RBMS3: variants seen among roughly 807,000 people sequenced by gnomAD.
RBMS3 encodes the protein RNA binding motif single stranded interacting protein 3, also known as RNA-binding motif, single-stranded-interacting protein 3.
A neutral mutation model predicts 66.8 loss-of-function variants in RBMS3; 27 were observed. The observed-to-expected ratio is 0.40, with a 90% CI of 0.30 to 0.56. RBMS3 has a LOEUF of 0.56. Ranked by LOEUF, RBMS3 falls within the 20% of genes least tolerant of loss-of-function variation. The pLI is 0.40. For synonymous variants in RBMS3, 188 were observed against 183.0 expected (o/e 1.03, Z -0.22); for missense variants, 513 against 549.5 (o/e 0.93, Z 0.66).
intron 12 of RBMS3, among the ~76,000 whole-genome samples, chr3:29,971,294 T>C (rs1418657384): frequency 6.6e-6 from 1 of 152,160 alleles, no homozygotes; most frequent in East Asian, 1.9e-4. Context: ...CACAGCCCCA[T>C]GTTGTCAAGA....
intron 1 of RBMS3, among the ~76,000 whole-genome samples, chr3:29,297,225 T>C (rs1000529294): frequency 6.6e-6 from 1 of 151,822 alleles, no homozygotes; most frequent in Admixed American, 6.6e-5. Flanking sequence ...TTTAGTTATT[T>C]GGTAAAAATG....
At chr3:29,723,812 T>G (rs1211161568) in intron 4 of RBMS3, among the ~76,000 whole-genome samples, 1 of 152,196 alleles carries the variant, frequency 6.6e-6, no homozygotes. Flanking sequence ...AAAAACTCTC[T>G]TAATGAGTTT....
chr3:29,928,211 T>TATATATATATACAC lies in RBMS3; in HGVS notation c.940-7874_940-7873insTATATATATACACA, dbSNP rs1291440563. 4.8e-4 allele frequency among the ~76,000 whole-genome samples: 45 copies of TATATATATATACAC among 93,486 alleles called. 1 individual carries two copies. The highest frequency in any genetic ancestry group is 1.7e-3 in the African/African-American group (40 of 23,636). 61.3% of individuals were successfully genotyped at this position (93,486 alleles called of 152,430 possible). On this transcript the variant is annotated intron_variant, in intron 10 of 14. Transcript: ENST00000383767. The stretch of plus-strand genomic sequence containing the variant: ...ATATATATATATATATATATATATA[T>TATATATATATACAC]ACACACACACACACACACACACACA...
intron 1 of RBMS3, among the ~76,000 whole-genome samples, chr3:29,319,174 A>G (rs1384665788): frequency 1.3e-5 from 2 of 151,972 alleles, no homozygotes; most frequent in Non-Finnish European, 2.9e-5. Flanking sequence ...ACAAAGTGAC[A>G]TAAGGAAAGG....
At chr3:29,936,748 A>G (rs2061275016) in intron 11 of RBMS3, among the ~76,000 whole-genome samples, 1 of 152,102 alleles carries the variant, frequency 6.6e-6, no homozygotes, top group African/African-American at 2.4e-5. Context: ...ATAGGTTGTG[A>G]TATTTTTGAC....
At position 29,496,701 on chromosome 3, in the gene RBMS3, A is replaced by T. The variant is rs1397306123; in HGVS notation, c.307+8202A>T. Among the ~76,000 whole-genome samples the T allele has an allele frequency of 3.9e-5, 6 of 152,210 alleles. No homozygotes were observed. In the East Asian group the frequency reaches 1.2e-3, roughly 29 times the overall value. On this transcript the variant is annotated intron_variant, in intron 3 of 14. Transcript: ENST00000383767. ...TTATTATTTCCAATATCAGGATATT[A>T]ATTATGTTATGATTATTTAGTGTTA...
chr3:29,886,308 C>A (rs1226092931), intron 8 of RBMS3, among the ~76,000 whole-genome samples: 2 of 151,720 alleles, frequency 1.3e-5, no homozygotes, highest in South Asian at 2.1e-4. Flanking sequence ...TTATTATATT[C>A]TTTTGGGTGA....
chr3:29,434,479 T>C (rs1164121391), intron 1 of RBMS3, among the ~76,000 whole-genome samples: 2 of 152,198 alleles, frequency 1.3e-5, no homozygotes, highest in African/African-American at 4.8e-5. Flanking sequence ...CAGAGACAAG[T>C]TCAAATGCCA....
intron 4 of RBMS3, among the ~76,000 whole-genome samples, chr3:29,732,265 T>C (rs2054171102): frequency 6.6e-6 from 1 of 152,178 alleles, no homozygotes; most frequent in Non-Finnish European, 1.5e-5. Context: ...CAGGAAAATG[T>C]AATTCCAGCT....
rs78139475 is a variant in RBMS3 at position 29,463,745 on chromosome 3, C to G, written c.249-24696C>G. 4.1e-4 allele frequency among the ~76,000 whole-genome samples: 63 copies of G among 152,224 alleles called. 1 individual carries two copies. In the East Asian group the frequency reaches 0.012, roughly 28 times the overall value. On this transcript the variant is annotated intron_variant, in intron 2 of 14. Coordinates refer to ENST00000383767, the MANE Select transcript of RBMS3 (RefSeq NM_001003793.3). ...AGGTAACATCAGTGGAGTGGACATC[C>G]TCATTACTTAAAAATACACTACAGT...
At chr3:29,467,025 G>T (rs1265417314) in intron 2 of RBMS3, among the ~76,000 whole-genome samples, 1 of 152,094 alleles carries the variant, frequency 6.6e-6, no homozygotes, top group Non-Finnish European at 1.5e-5. Context: ...TTTGACCAAA[G>T]GCTATGGGGA....
intron 1 of RBMS3, among the ~76,000 whole-genome samples, chr3:29,360,824 T>A (rs1460659146): frequency 3.9e-5 from 6 of 152,076 alleles, no homozygotes; most frequent in African/African-American, 1.5e-4. Flanking sequence ...TCTCTTTTGA[T>A]CTTTGTTTGT....
At chr3:29,335,813 T>G (rs1485349570) in intron 1 of RBMS3, among the ~76,000 whole-genome samples, 1 of 152,132 alleles carries the variant, frequency 6.6e-6, no homozygotes, top group Non-Finnish European at 1.5e-5. Flanking sequence ...AGATATCTTT[T>G]TCTCTCTTCC....
chr3:29,550,476 T>C (rs2046143001), intron 3 of RBMS3, among the ~76,000 whole-genome samples: 1 of 152,144 alleles, frequency 6.6e-6, no homozygotes, highest in Non-Finnish European at 1.5e-5. Flanking sequence ...AATGATTTAG[T>C]GTAATAATAG....
chr3:29,504,894 G>A (rs2044123493), intron 3 of RBMS3, among the ~76,000 whole-genome samples: 1 of 152,044 alleles, frequency 6.6e-6, no homozygotes, highest in Non-Finnish European at 1.5e-5. Flanking sequence ...GTCTTCTTTT[G>A]AGAAATATCT....
chr3:29,305,950 G>C (rs1019643242), intron 1 of RBMS3, among the ~76,000 whole-genome samples: 1 of 152,096 alleles, frequency 6.6e-6, no homozygotes, highest in Admixed American at 6.6e-5. Flanking sequence ...AGAATAGTCA[G>C]AAGGAAGAAT....
In RBMS3 at chr3:29,395,975, A is replaced by G. The variant is rs115768217; in HGVS notation, c.76-38768A>G. 9.5e-3 allele frequency among the ~76,000 whole-genome samples: 1,442 copies of G among 152,330 alleles called. 26 individuals are homozygous for G. Among genetic ancestry groups the G allele is most frequent in the African/African-American group, 0.033 (1,368 of 41,570 alleles). The stretch of plus-strand genomic sequence containing the variant: ...GTTTGATGAGGAGCAAGATATTTGC[A>G]TAGTTTTGAGGCATCTCTTCATAAA... On this transcript the variant is annotated intron_variant, in intron 1 of 14. Coordinates refer to ENST00000383767, the MANE Select transcript of RBMS3 (RefSeq NM_001003793.3).
intron 1 of RBMS3, among the ~76,000 whole-genome samples, chr3:29,387,738 TA>T (rs1345380429): frequency 1.1e-4 from 17 of 151,928 alleles, no homozygotes; most frequent in East Asian, 1.9e-4. Flanking sequence ...CCGTCCCTAC[TA>T]AAAAATACAA....
chr3:29,979,031 G>A (rs1222266076), intron 12 of RBMS3, among the ~76,000 whole-genome samples: 5 of 151,980 alleles, frequency 3.3e-5, no homozygotes, highest in Admixed American at 3.3e-4. Context: ...ACTTGGGAGG[G>A]TGAGGCGGGA....
Sources: allele counts gnomAD v4.1 joint callset (sites outside exome capture counted in the v4.1 genomes callset), GRCh38; gene constraint gnomAD v4.1.1; transcripts MANE v1.5; gene names NCBI Gene and HGNC (gene_info 2026-07-23, HGNC 2026-07-21).